ELF2: variants seen among roughly 807,000 people sequenced by gnomAD.
ELF2 encodes the protein ETS-related transcription factor Elf-2.
In ELF2, 11 loss-of-function variants were observed where a neutral mutation model predicts 54.8. The ratio of observed to expected loss-of-function variants is 0.20; its 90% CI spans 0.13 to 0.33. The LOEUF (loss-of-function observed/expected upper bound fraction) is 0.33, where lower values mean the gene tolerates loss of function less well. Ranked by LOEUF, ELF2 falls within the 10% of genes least tolerant of loss-of-function variation. ELF2 has a pLI of 1.00. For missense variants in ELF2, 513 were observed against 703.0 expected, an observed-to-expected ratio of 0.73 and a Z score of 3.06; for synonymous variants, 203 against 245.1, an observed-to-expected ratio of 0.83 and a Z score of 1.61.
intron 1 of ELF2, among the ~76,000 whole-genome samples, chr4:139,144,166 A>T (rs1436022914): frequency 1.3e-5 from 2 of 152,176 alleles, no homozygotes; most frequent in African/African-American, 4.8e-5. Flanking sequence ...AAAAACTGTA[A>T]GTCCCCAGAG....
chr4:139,123,729 C>T (rs1412581504), intron 4 of ELF2, among the ~76,000 whole-genome samples: 1 of 152,156 alleles, frequency 6.6e-6, no homozygotes. Context: ...CCAGAAATTT[C>T]AAACAGGTTC....
At chr4:139,177,783 C>T (rs1192687697), upstream of ELF2, among the ~76,000 whole-genome samples, 1 of 152,180 alleles carries the variant, frequency 6.6e-6, no homozygotes, top group Non-Finnish European at 1.5e-5. Context: ...ATCCCCAACT[C>T]AGGACTCTCG....
At chr4:139,161,855 G>A (rs1741195985) in intron 1 of ELF2, among the ~76,000 whole-genome samples, 1 of 151,992 alleles carries the variant, frequency 6.6e-6, no homozygotes, top group African/African-American at 2.4e-5. Flanking sequence ...AGCACTTTGG[G>A]AGGCCAAGAC....
At chr4:139,084,005 C>T in intron 4 of ELF2, 1 of 1,488,074 alleles carries the variant, frequency 6.7e-7, no homozygotes, top group Non-Finnish European at 9.1e-7. Flanking sequence ...TTTCCCCCAG[C>T]CGCCCCAGTG....
chr4:139,136,311 T>C (rs1738146637), intron 3 of ELF2, among the ~76,000 whole-genome samples: 1 of 152,086 alleles, frequency 6.6e-6, no homozygotes, highest in South Asian at 2.1e-4. Flanking sequence ...ACTTAAGAGT[T>C]TTTGAGTCCA....
chr4:139,132,843 T>TAC (rs1238267064), intron 3 of ELF2, among the ~76,000 whole-genome samples: 1 of 12,436 alleles, frequency 8.0e-5, no homozygotes, highest in Non-Finnish European at 1.7e-4. Context: ...TTACTTTACA[T>TAC]ATATATATAT....
At chr4:139,106,123 G>A (rs1484708365) in intron 4 of ELF2, among the ~76,000 whole-genome samples, 1 of 151,984 alleles carries the variant, frequency 6.6e-6, no homozygotes, top group Non-Finnish European at 1.5e-5. Context: ...CCAACAAAGA[G>A]GTCATTAAAA....
intron 1 of ELF2, among the ~76,000 whole-genome samples, chr4:139,156,085 C>A (rs1206102863): frequency 1.3e-5 from 2 of 152,176 alleles, no homozygotes; most frequent in Non-Finnish European, 2.9e-5. Context: ...CCATAACTAA[C>A]AATATCTCAA....
chr4:139,105,153 C>A (rs541554248), intron 4 of ELF2, among the ~76,000 whole-genome samples: 127 of 152,326 alleles, frequency 8.3e-4, no homozygotes, highest in Non-Finnish European at 1.6e-3. Flanking sequence ...ACTGCTTTAA[C>A]TGCTTGAAAA....
At chr4:139,151,035 A>AAAAAGAAAGGAAAGAAAGGAAAGAAAG (rs201472609) in intron 1 of ELF2, among the ~76,000 whole-genome samples, 562 of 42,540 alleles carry the variant, frequency 0.013, 10 homozygotes, top group Non-Finnish European at 0.018. Flanking sequence ...AAAAAAAAAA[A>AAAAAGAAAGGAAAGAAAGGAAAGAAAG]GAAAGAAAGA....
chr4:139,149,702 G>T (rs1483573397), intron 1 of ELF2, among the ~76,000 whole-genome samples: 1 of 152,040 alleles, frequency 6.6e-6, no homozygotes, highest in Non-Finnish European at 1.5e-5. Context: ...CTAACCGAAA[G>T]GGTGTATATG....
At position 139,147,122 on chromosome 4, in the gene ELF2, A is replaced by T. The variant is rs376433187; in HGVS notation, c.-251-7625T>A. 1.9e-4 allele frequency among the ~76,000 whole-genome samples: 29 copies of T among 152,310 alleles called. No individual in the cohort carries two copies. In the East Asian group the frequency reaches 5.2e-3, roughly 27 times the overall value. The stretch of plus-strand genomic sequence containing the variant: ...GACAACCCACAGAATGGGAGAAAAT[A>T]TTCGCCAACTATGCATCCAACAAAG... On this transcript the variant is annotated intron_variant, in intron 1 of 9. Transcript: ENST00000686138.
At chr4:139,061,150 G>T (rs1727786002) in intron 8 of ELF2, among the ~76,000 whole-genome samples, 1 of 150,660 alleles carries the variant, frequency 6.6e-6, no homozygotes, top group South Asian at 2.1e-4. Flanking sequence ...TACAATGAAA[G>T]AATTTTGTGG....
intron 3 of ELF2, among the ~76,000 whole-genome samples, chr4:139,132,017 A>G (rs555535769): frequency 6.6e-6 from 1 of 152,312 alleles, no homozygotes; most frequent in East Asian, 1.9e-4. Flanking sequence ...TTTAGCATAT[A>G]CATTTAAAAG....
At chr4:139,116,293 T>C (rs1735706663) in intron 4 of ELF2, among the ~76,000 whole-genome samples, 2 of 151,506 alleles carry the variant, frequency 1.3e-5, no homozygotes, top group South Asian at 2.1e-4. Context: ...AAATAAATAA[T>C]TGGGGGAAAA....
At chr4:139,083,926 C>A (rs1021683649) in intron 4 of ELF2, among the ~76,000 whole-genome samples, 2 of 152,210 alleles carry the variant, frequency 1.3e-5, no homozygotes, top group African/African-American at 2.4e-5. Flanking sequence ...GCGCCGGATT[C>A]GAGGCAGGTT....
chr4:139,107,651 C>CA (rs1734549802), intron 4 of ELF2, among the ~76,000 whole-genome samples: 3 of 151,470 alleles, frequency 2.0e-5, no homozygotes, highest in Admixed American at 6.6e-5. Context: ...TTAGGGGAAT[C>CA]AAAAAAAAGC....
chr4:139,087,488 C>CA (rs900733381), intron 4 of ELF2, among the ~76,000 whole-genome samples: 2 of 152,132 alleles, frequency 1.3e-5, no homozygotes, highest in African/African-American at 4.8e-5. Context: ...TGTTTTGAGA[C>CA]AGAGTCTCGC....
intron 6 of ELF2, 120 bp downstream of exon 6, chr4:139,071,746 G>C: frequency 1.1e-6 from 1 of 914,632 alleles, no homozygotes; most frequent in Non-Finnish European, 1.6e-6. Context: ...GAGAATATCT[G>C]GTTAAGATAA....
Sources: allele counts gnomAD v4.1 joint callset (sites outside exome capture counted in the v4.1 genomes callset), GRCh38; gene constraint gnomAD v4.1.1; transcripts MANE v1.5; gene names NCBI Gene and HGNC (gene_info 2026-07-23, HGNC 2026-07-21).